LARGE1: variants seen among roughly 807,000 people sequenced by gnomAD.
LARGE1 encodes the protein LARGE xylosyl- and glucuronyltransferase 1.
A neutral mutation model predicts 87.6 loss-of-function variants in LARGE1; 43 were observed. The observed-to-expected ratio is 0.49, with a 90% CI of 0.38 to 0.63. LARGE1 has a LOEUF of 0.63. LARGE1 is among the 30% of genes least tolerant of loss of function. The pLI is 0.00. For synonymous variants in LARGE1, 434 were observed against 394.6 expected (o/e 1.10, Z -1.18); for missense variants, 802 against 1,000.2 (o/e 0.80, Z 2.67).
intron 11 of LARGE1, among the ~76,000 whole-genome samples, chr22:33,171,928 C>T (rs1027460326): frequency 1.3e-5 from 2 of 152,176 alleles, no homozygotes; most frequent in Admixed American, 6.5e-5. Flanking sequence ...AGGCACCATA[C>T]ACCTGGAAAC....
intron 1 of LARGE1, among the ~76,000 whole-genome samples, chr22:33,843,332 G>T (rs2063334595): frequency 6.6e-6 from 1 of 151,968 alleles, no homozygotes; most frequent in East Asian, 1.9e-4. Flanking sequence ...AGCACTTTGG[G>T]AGGCTGAGGC....
intron 1 of LARGE1, among the ~76,000 whole-genome samples, chr22:33,911,199 T>G (rs891416844): frequency 6.6e-6 from 1 of 152,188 alleles, no homozygotes; most frequent in Non-Finnish European, 1.5e-5. Context: ...CCAGGGAGCC[T>G]AGGTTCTGGT....
intron 2 of LARGE1, among the ~76,000 whole-genome samples, chr22:33,759,602 C>T (rs962834586): frequency 6.6e-6 from 1 of 152,136 alleles, no homozygotes; most frequent in Non-Finnish European, 1.5e-5. Context: ...TTTGTACTGT[C>T]GTCATCACTG....
intron 13 of LARGE1, 35 bp from the exon 14 acceptor site, chr22:33,277,290 G>T: frequency 6.2e-7 from 1 of 1,602,864 alleles, no homozygotes; most frequent in Non-Finnish European, 8.5e-7. Flanking sequence ...TGGGTGTAGG[G>T]AAGGAAGCCA....
chr22:33,603,823 CA>C (rs1555970583), intron 5 of LARGE1, among the ~76,000 whole-genome samples: 1 of 152,062 alleles, frequency 6.6e-6, no homozygotes, highest in Non-Finnish European at 1.5e-5. Context: ...AATGGCACCA[CA>C]AAAAAATTGT....
chr22:33,317,543 G>C (rs1464167498), intron 10 of LARGE1, among the ~76,000 whole-genome samples: 1 of 152,114 alleles, frequency 6.6e-6, no homozygotes, highest in African/African-American at 2.4e-5. Flanking sequence ...TGTAGAAGTT[G>C]TTTAACTAGC....
upstream of LARGE1, among the ~76,000 whole-genome samples, chr22:33,921,344 G>T (rs957636164): frequency 6.6e-6 from 1 of 152,220 alleles, no homozygotes; most frequent in South Asian, 2.1e-4. The surrounding 1 kb of genome is among the most constrained non-coding windows in gnomAD (Gnocchi z 4.1). Flanking sequence ...GCTCCCGGCC[G>T]CCTCGGGCTT....
At chr22:33,848,830 C>G (rs2413205) in intron 1 of LARGE1, among the ~76,000 whole-genome samples, 1 of 152,278 alleles carries the variant, frequency 6.6e-6, no homozygotes, top group East Asian at 1.9e-4. Context: ...ATCACTTTCC[C>G]GAGATGCCTC....
chr22:33,556,850 C>G (rs2077705547), intron 6 of LARGE1, among the ~76,000 whole-genome samples: 1 of 151,906 alleles, frequency 6.6e-6, no homozygotes, highest in Admixed American at 6.6e-5. Flanking sequence ...TAGTAAAATA[C>G]AAAAAATCAG....
chr22:33,072,208 T>C, the LARGE1 span, among the ~76,000 whole-genome samples: 1 of 152,152 alleles, frequency 6.6e-6, no homozygotes, highest in Non-Finnish European at 1.5e-5. Context: ...TATTTCTGTT[T>C]TAATGTAGGC....
intron 3 of LARGE1, among the ~76,000 whole-genome samples, chr22:33,631,876 T>C (rs530066609): frequency 3.8e-4 from 58 of 152,330 alleles, no homozygotes; most frequent in African/African-American, 1.3e-3. Context: ...TTGCACATGA[T>C]GTTAGGATGG....
the LARGE1 span, among the ~76,000 whole-genome samples, chr22:33,075,525 A>C: frequency 6.6e-6 from 1 of 152,230 alleles, no homozygotes; most frequent in Non-Finnish European, 1.5e-5. Context: ...TAAGTAAAAC[A>C]GCCCTCATTG....
chr22:33,400,025 A>ACGCT (rs968349588), intron 7 of LARGE1, among the ~76,000 whole-genome samples: 1 of 152,230 alleles, frequency 6.6e-6, no homozygotes, highest in African/African-American at 2.4e-5. Flanking sequence ...GGCAGAAATC[A>ACGCT]CGCTCACTTG....
intron 6 of LARGE1, among the ~76,000 whole-genome samples, chr22:33,540,569 A>G (rs2077164140): frequency 6.6e-6 from 1 of 152,174 alleles, no homozygotes; most frequent in South Asian, 2.1e-4. Flanking sequence ...TGGCAAAACA[A>G]CCAAGACACA....
At chr22:33,824,764 C>G (rs1281692942) in intron 1 of LARGE1, among the ~76,000 whole-genome samples, 1 of 152,060 alleles carries the variant, frequency 6.6e-6, no homozygotes, top group Admixed American at 6.6e-5. Context: ...ACTCATAGGA[C>G]TATAATGAAA....
In LARGE1 at chr22:33,703,857, T is replaced by C. The variant is rs115649226; in HGVS notation, c.107-53189A>G. ...GTATTATTTTAAGCCACTAAGTTTA[T>C]GGTGATTTGATACAGTAGCAACAGA... On this transcript the variant is annotated intron_variant, in intron 2 of 14. Coordinates refer to ENST00000397394, the MANE Select transcript of LARGE1 (RefSeq NM_133642.5). Among the ~76,000 whole-genome samples, 1,365 of 152,352 alleles carry C rather than the reference T, an allele frequency of 9.0e-3. 25 individuals are homozygous for C. The highest frequency in any genetic ancestry group is 0.031 in the African/African-American group (1,293 of 41,578).
intron 6 of LARGE1, among the ~76,000 whole-genome samples, chr22:33,543,925 T>C (rs1241981335): frequency 6.6e-6 from 1 of 152,240 alleles, no homozygotes; most frequent in Admixed American, 6.5e-5. Flanking sequence ...GAGCTCACTG[T>C]GTCTAAACTG....
At chr22:33,785,198 TATAC>T (rs1315926192) in intron 1 of LARGE1, among the ~76,000 whole-genome samples, 1 of 150,790 alleles carries the variant, frequency 6.6e-6, no homozygotes, top group Non-Finnish European at 1.5e-5. Context: ...CATATATGTG[TATAC>T]ATACATATGT....
chr22:33,784,764 A>ATATTCATACAGTATGTATACCATATAG (rs1193400247), intron 1 of LARGE1, among the ~76,000 whole-genome samples: 3 of 152,004 alleles, frequency 2.0e-5, no homozygotes, highest in Admixed American at 6.6e-5. Flanking sequence ...TATATACCAT[A>ATATTCATACAGTATGTATACCATATAG]TATTCATACA....
Sources: gnomAD v4.1 joint callset for allele counts (sites outside exome capture counted in the v4.1 genomes callset) on GRCh38, gnomAD v4.1.1 for gene constraint, Gnocchi (gnomAD v3.1) non-coding constraint, MANE v1.5 for transcripts, NCBI Gene and HGNC (gene_info 2026-07-23, HGNC 2026-07-21) for gene names.